The following SEMA3E variants were observed in gnomAD, a reference collection of about 807,000 sequenced individuals.
SEMA3E encodes semaphorin-3E.
SEMA3E carries 49 observed loss-of-function variants against 93.6 expected under a neutral mutation model. The observed-to-expected ratio is 0.52, with a 90% confidence interval of 0.42 to 0.66. The LOEUF is 0.66. Ranked by LOEUF, SEMA3E falls within the 30% of genes least tolerant of loss-of-function variation. The pLI is 0.00. For synonymous variants in SEMA3E, 363 were observed against 330.7 expected (o/e 1.10, Z -1.06); for missense variants, 906 against 964.8 (o/e 0.94, Z 0.81).
In SEMA3E at chr7:83,648,883, A is replaced by C; in HGVS notation, c.-341T>G. ...CACTTGGGCAAAGCTGTTCATTCAG[A>C]AAAAAAAAAAAAAAAGAGAGAAAAA... On this transcript the variant is annotated 5_prime_UTR_variant, in exon 1 of 17. Transcript: ENST00000643230. The C allele has an allele frequency of 8.3e-6, 1 of 120,310 alleles. No individual in the cohort carries two copies. 7.5% of individuals were successfully genotyped at this position (120,310 alleles called of 1,614,324 possible).
At chr7:83,534,368 T>G (rs1791367992) in intron 1 of SEMA3E, among the ~76,000 whole-genome samples, 1 of 152,200 alleles carries the variant, frequency 6.6e-6, no homozygotes, top group Admixed American at 6.5e-5. Flanking sequence ...GTTTTTCAGG[T>G]GAATTCTCTT....
At position 83,365,576 on chromosome 7, in the gene SEMA3E, A is replaced by G. The variant is rs1332614764; in HGVS notation, c.*2010T>C. 6.6e-6 allele frequency: 1 copy of G among 152,100 alleles called. No homozygotes were observed. The highest frequency in any genetic ancestry group is 2.4e-5 in the African/African-American group (1 of 41,442). 9.4% of individuals were successfully genotyped at this position (152,100 alleles called of 1,614,324 possible). The stretch of plus-strand genomic sequence containing the variant: ...TTATGACTTGTGTCATAGAAAAGCT[A>G]TTTTCCTCTGCCTATTGCTTCAGTT... On this transcript the variant is annotated 3_prime_UTR_variant, in exon 17 of 17. Coordinates refer to ENST00000643230, the MANE Select transcript of SEMA3E (RefSeq NM_012431.3).
At position 83,485,299 on chromosome 7, in the gene SEMA3E, G is replaced by A. The variant is rs143532161; in HGVS notation, c.276+4815C>T. Among the ~76,000 whole-genome samples, 700 of 152,138 alleles carry A rather than the reference G, an allele frequency of 4.6e-3. 5 individuals are homozygous for A. The highest frequency in any genetic ancestry group is 0.016 in the African/African-American group (662 of 41,486). On this transcript the variant is annotated intron_variant, in intron 2 of 16. Coordinates refer to ENST00000643230, the MANE Select transcript of SEMA3E (RefSeq NM_012431.3). ...CTGCTATGTGCCAAGCACTGCTCTTGGTGCTTTACATAAATTAATTCATAA... is the reference window on the plus strand; with the variant it reads ...CTGCTATGTGCCAAGCACTGCTCTTAGTGCTTTACATAAATTAATTCATAA...
chr7:83,574,857 C>G (rs1792367081), intron 1 of SEMA3E, among the ~76,000 whole-genome samples: 1 of 152,140 alleles, frequency 6.6e-6, no homozygotes, highest in Non-Finnish European at 1.5e-5. Context: ...GAGAGGCCAG[C>G]AGAGATCACC....
In SEMA3E at chr7:83,588,259, G is replaced by C. The variant is rs188406265; in HGVS notation, c.115+60169C>G. On this transcript the variant is annotated intron_variant, in intron 1 of 16. Coordinates refer to ENST00000643230, the MANE Select transcript of SEMA3E (RefSeq NM_012431.3). ...TAGCTGGGCATGGTGGCGGGCACCT[G>C]TAATCCCAGCTACTCGGAGGCTGAG... is the stretch of plus-strand genomic sequence containing the variant. Among the ~76,000 whole-genome samples, 114 of 152,158 alleles carry C rather than the reference G, an allele frequency of 7.5e-4. 1 individual carries two copies. In the Middle Eastern group the frequency reaches 0.01, roughly 14 times the overall value.
Position 83,484,739 on chromosome 7 carries a change from T to C in SEMA3E, c.276+5375A>G, listed in dbSNP as rs370121692. On this transcript the variant is annotated intron_variant, in intron 2 of 16. Coordinates refer to ENST00000643230, the MANE Select transcript of SEMA3E (RefSeq NM_012431.3). ...ATCATATCTGGCATTATAATATTAT[T>C]TTATTTTTCCAGTGTATTTCCTAAT... Among the ~76,000 whole-genome samples the C allele has an allele frequency of 7.2e-5, 11 of 152,348 alleles. 1 individual carries two copies. Among genetic ancestry groups the C allele is most frequent in the African/African-American group, 7.2e-5 (3 of 41,574 alleles).
chr7:83,453,540 G>C (rs534962222), intron 4 of SEMA3E, among the ~76,000 whole-genome samples: 1 of 151,506 alleles, frequency 6.6e-6, no homozygotes, highest in African/African-American at 2.4e-5. Context: ...ACAGTAATTA[G>C]TCTGCAGAAT....
chr7:83,535,627 A>G (rs1168110070), intron 1 of SEMA3E, among the ~76,000 whole-genome samples: 1 of 152,152 alleles, frequency 6.6e-6, no homozygotes, highest in Admixed American at 6.6e-5. Flanking sequence ...TACAATCCAA[A>G]GCTGCATGTT....
intron 4 of SEMA3E, among the ~76,000 whole-genome samples, chr7:83,454,540 G>A (rs942410597): frequency 2.0e-5 from 3 of 151,548 alleles, no homozygotes; most frequent in Admixed American, 6.6e-5. Flanking sequence ...TCACATAATG[G>A]GTGACTTTTT....
chr7:83,422,863 G>T (rs373272256), intron 4 of SEMA3E, among the ~76,000 whole-genome samples: 10 of 152,308 alleles, frequency 6.6e-5, no homozygotes, highest in African/African-American at 7.2e-5. Flanking sequence ...AAAACTGAAA[G>T]AATTTTAAGA....
chr7:83,447,966 C>T (rs1247138779), intron 4 of SEMA3E, among the ~76,000 whole-genome samples: 1 of 152,140 alleles, frequency 6.6e-6, no homozygotes, highest in African/African-American at 2.4e-5. Flanking sequence ...GTTTAATCCA[C>T]ACAAACACTC....
chr7:83,368,964 G>A (rs1032406108), intron 16 of SEMA3E, among the ~76,000 whole-genome samples: 2 of 152,110 alleles, frequency 1.3e-5, no homozygotes, highest in Non-Finnish European at 2.9e-5. Flanking sequence ...TTGTAAAGTG[G>A]AGATAACTTA....
At chr7:83,466,350 G>A in intron 4 of SEMA3E, 132 bp downstream of exon 4, 2 of 1,087,162 alleles carry the variant, frequency 1.8e-6, no homozygotes, top group Non-Finnish European at 2.7e-6. Context: ...TAATTTCTCT[G>A]TCTCAAGCAA....
chr7:83,504,322 T>C (rs907266547), intron 1 of SEMA3E, among the ~76,000 whole-genome samples: 2 of 152,186 alleles, frequency 1.3e-5, no homozygotes, highest in African/African-American at 4.8e-5. Context: ...ATCTACATTA[T>C]AATAACAAAG....
chr7:83,405,359 T>C (rs1788306798), intron 9 of SEMA3E, 91 bp downstream of exon 9: 4 of 910,162 alleles, frequency 4.4e-6, no homozygotes, highest in Non-Finnish European at 7.3e-6. Flanking sequence ...ACTGGGTCAA[T>C]AGTCTTTCAA....
At chr7:83,412,545 A>C (rs944458586) in intron 5 of SEMA3E, among the ~76,000 whole-genome samples, 2 of 151,998 alleles carry the variant, frequency 1.3e-5, no homozygotes, top group Admixed American at 1.3e-4. Context: ...CAGATGTTCA[A>C]GATCAGCCTG....
chr7:83,390,664 A>G (rs987908331), intron 14 of SEMA3E, among the ~76,000 whole-genome samples: 9 of 152,196 alleles, frequency 5.9e-5, no homozygotes, highest in African/African-American at 2.2e-4. Context: ...AACTTATCCA[A>G]AAAGTTATCT....
intron 4 of SEMA3E, among the ~76,000 whole-genome samples, chr7:83,431,379 CTTAAT>C (rs1436598547): frequency 6.6e-5 from 10 of 151,750 alleles, no homozygotes; most frequent in South Asian, 2.1e-4. Flanking sequence ...AAAAATATAT[CTTAAT>C]TTGAGTTGGA....
chr7:83,466,377 G>C, intron 4 of SEMA3E, 105 bp downstream of exon 4: 1 of 1,362,704 alleles, frequency 7.3e-7, no homozygotes, highest in East Asian at 2.3e-5. Flanking sequence ...TCAGTACATC[G>C]CAAATGCTTT....
Sources: allele counts gnomAD v4.1 joint callset (sites outside exome capture counted in the v4.1 genomes callset), GRCh38; gene constraint gnomAD v4.1.1; transcripts MANE v1.5; gene names NCBI Gene and HGNC (gene_info 2026-07-23, HGNC 2026-07-21).